Variants in IFITM10 observed in about 807,000 individuals in gnomAD.
IFITM10 encodes the protein interferon induced transmembrane protein 10.
In IFITM10, 17 loss-of-function variants were observed where a neutral mutation model predicts 19.0. The ratio of observed to expected loss-of-function variants is 0.90; its 90% CI spans 0.61 to 1.34. IFITM10 has a LOEUF of 1.34. IFITM10 is among the 40% of genes most tolerant of loss of function. IFITM10 has a pLI of 0.00. For missense variants in IFITM10, 306 were observed against 319.8 expected (o/e 0.96, Z 0.33); for synonymous variants, 148 against 147.2 (o/e 1.01, Z -0.04).
chr11:1,750,453 G>T lies in IFITM10; in HGVS notation c.-11C>A. The T allele has an allele frequency of 1.3e-6, 2 of 1,549,882 alleles. No homozygotes were observed. The highest frequency in any genetic ancestry group is 2.4e-5 in the East Asian group (1 of 40,890). On this transcript the variant is annotated 5_prime_UTR_variant, in exon 1 of 3. Coordinates refer to ENST00000340134, the MANE Select transcript of IFITM10 (RefSeq NM_001170820.4). ...TTTTCCCTCCCTCATCTCTCTCCAA[G>T]CCCCATCCTCCCATGAAACTCCTTT...
At chr11:1,748,162 G>T in intron 1 of IFITM10, 43 bp from the exon 2 acceptor site, 1 of 1,283,916 alleles carries the variant, frequency 7.8e-7, no homozygotes, top group African/African-American at 1.6e-5. Flanking sequence ...CGGCCTACCG[G>T]CCAGCACCCA....
At chr11:1,749,263 A>C (rs1025592483) in intron 1 of IFITM10, 1 of 208,938 alleles carries the variant, frequency 4.8e-6, no homozygotes, top group Admixed American at 6.5e-5. Flanking sequence ...GGGCACAGCC[A>C]CCTCCCCGCC....
chr11:1,750,290 C>T (rs1845702260), intron 1 of IFITM10, 69 bp downstream of exon 1: 2 of 1,544,152 alleles, frequency 1.3e-6, no homozygotes, highest in African/African-American at 1.4e-5. Context: ...AAACTCCAGC[C>T]TTCCCTCCCT....
chr11:1,750,330 G>T (rs751639080), intron 1 of IFITM10, 29 bp downstream of exon 1: 7 of 1,550,210 alleles, frequency 4.5e-6, no homozygotes, highest in Non-Finnish European at 6.1e-6. Context: ...CACCACGCAG[G>T]TTCCCTGAGC....
intron 2 of IFITM10, among the ~76,000 whole-genome samples, chr11:1,737,088 T>A (rs1316718276): frequency 6.6e-6 from 1 of 152,218 alleles, no homozygotes; most frequent in Non-Finnish European, 1.5e-5. Flanking sequence ...CAATGAAATT[T>A]GTATTCCTTT....
chr11:1,734,909 G>A lies in IFITM10; in HGVS notation c.*371C>T. ...AGCACAGAGTGAGTCCTCCCAACCT[G>A]GGACAATTTTGCATAAGCCCTTCCT... is the stretch of plus-strand genomic sequence containing the variant. On this transcript the variant is annotated 3_prime_UTR_variant, in exon 3 of 3. Coordinates refer to ENST00000340134, the MANE Select transcript of IFITM10 (RefSeq NM_001170820.4). 1 of 248,680 alleles carries A rather than the reference G, an allele frequency of 4.0e-6. No individual in the cohort carries two copies. Among genetic ancestry groups the A allele is most frequent in the Admixed American group, 5.2e-5 (1 of 19,324 alleles). 15.4% of individuals were successfully genotyped at this position (248,680 alleles called of 1,614,324 possible). A position where few individuals can be genotyped will look rare whatever the true frequency, so the allele number is the denominator to read the frequency against.
chr11:1,746,169 A>C, intron 2 of IFITM10: 1 of 164,156 alleles, frequency 6.1e-6, no homozygotes. Context: ...CACACATGCA[A>C]TTACACACAC....
intron 2 of IFITM10, among the ~76,000 whole-genome samples, chr11:1,740,277 G>A (rs1319985924): frequency 9.4e-5 from 12 of 127,392 alleles, no homozygotes; most frequent in African/African-American, 3.2e-4. Context: ...TCCAGCCTGG[G>A]CAACAGAGCA....
intron 1 of IFITM10, 25 bp from the exon 2 acceptor site, chr11:1,748,144 G>A: frequency 3.0e-6 from 4 of 1,332,916 alleles, no homozygotes; most frequent in Non-Finnish European, 3.8e-6. Context: ...GTGAGAGCAA[G>A]CTGGGCCCGG....
intron 2 of IFITM10, among the ~76,000 whole-genome samples, chr11:1,741,642 A>G (rs1845571513): frequency 6.6e-6 from 1 of 152,164 alleles, no homozygotes; most frequent in African/African-American, 2.4e-5. Context: ...GGGTGGGCAG[A>G]TGTGGGTACA....
chr11:1,736,233 G>C (rs1851085482), intron 2 of IFITM10, among the ~76,000 whole-genome samples: 1 of 152,206 alleles, frequency 6.6e-6, no homozygotes, highest in African/African-American at 2.4e-5. Context: ...ATTGGAGCTG[G>C]GCTGAAAGAA....
intron 2 of IFITM10, 108 bp from the exon 3 acceptor site, chr11:1,735,537 T>A: frequency 1.0e-6 from 1 of 1,001,268 alleles, no homozygotes; most frequent in Admixed American, 2.8e-5. Flanking sequence ...ACAGTACCAG[T>A]GCTTTGTTTC....
chr11:1,735,558 C>T (rs921668516), intron 2 of IFITM10, 129 bp from the exon 3 acceptor site: 31 of 826,158 alleles, frequency 3.8e-5, no homozygotes, highest in Non-Finnish European at 4.4e-5. Context: ...CGAGAGCTGA[C>T]GAATGAACGA....
intron 2 of IFITM10, among the ~76,000 whole-genome samples, chr11:1,738,304 T>C (rs1851108162): frequency 6.6e-6 from 1 of 152,234 alleles, no homozygotes. Context: ...AAAAGTTTCA[T>C]ACGCATTTTC....
intron 2 of IFITM10, among the ~76,000 whole-genome samples, chr11:1,741,150 A>C (rs1845566338): frequency 6.6e-6 from 1 of 152,032 alleles, no homozygotes; most frequent in African/African-American, 2.4e-5. Flanking sequence ...GCTGTGCAAG[A>C]ACGGCCTAAT....
intron 1 of IFITM10, 65 bp downstream of exon 1, chr11:1,750,294 C>T: frequency 6.5e-7 from 1 of 1,547,072 alleles, no homozygotes; most frequent in South Asian, 1.2e-5. Context: ...TCCAGCCTTC[C>T]CTCCCTCCCT....
At position 1,735,378 on chromosome 11, in the gene IFITM10, T is replaced by C; in HGVS notation, c.589A>G (p.Lys197Glu). The change falls in exon 3 of 3, where the codon AAG becomes GAG. Residue 197 changes from lysine to glutamate, a missense_variant. By Grantham distance (56) the Lys-to-Glu change is moderately conservative. Coordinates refer to ENST00000340134, the MANE Select transcript of IFITM10 (RefSeq NM_001170820.4). Reference sequence around the variant, plus strand: ...GTGATGTTGAACAGCCGGGCCGTCTTTGCATCCTCCACGGCTCCATTCAGG... The same window carrying C: ...GTGATGTTGAACAGCCGGGCCGTCTCTGCATCCTCCACGGCTCCATTCAGG... ...NDLNGAVEDAKTARLFNITSS... is the reference protein window; with the variant it reads ...NDLNGAVEDAETARLFNITSS... 6.4e-7 allele frequency: 1 copy of C among 1,551,648 alleles called. No individual in the cohort carries two copies. Among genetic ancestry groups the C allele is most frequent in the Non-Finnish European group, 8.7e-7 (1 of 1,146,956 alleles).
At chr11:1,736,486 A>G (rs1851088013) in intron 2 of IFITM10, among the ~76,000 whole-genome samples, 1 of 152,070 alleles carries the variant, frequency 6.6e-6, no homozygotes, top group South Asian at 2.1e-4. Flanking sequence ...AAAAGAAGAT[A>G]GAGGGAGTGG....
intron 1 of IFITM10, 100 bp from the exon 2 acceptor site, chr11:1,748,219 T>C: frequency 3.2e-6 from 3 of 941,216 alleles, no homozygotes; most frequent in Non-Finnish European, 4.2e-6. Flanking sequence ...GAGACGGAAA[T>C]CCCTGCGGGG....
Sources: allele counts gnomAD v4.1 joint callset (sites outside exome capture counted in the v4.1 genomes callset), GRCh38; gene constraint gnomAD v4.1.1; transcripts MANE v1.5; gene names NCBI Gene and HGNC (gene_info 2026-07-23, HGNC 2026-07-21).